Variants in BTBD9 observed in about 807,000 individuals in gnomAD.
The protein encoded by BTBD9 is BTB domain containing 9.
Under a neutral mutation model 64.3 loss-of-function variants are expected in BTBD9, and 49 were observed. The ratio of observed to expected loss-of-function variants is 0.76; its 90% CI spans 0.61 to 0.97. The LOEUF (loss-of-function observed/expected upper bound fraction) is 0.97. BTBD9 is among the 50% of genes least tolerant of loss of function. BTBD9 has a pLI of 0.00. For missense variants in BTBD9, 598 were observed against 762.1 expected (o/e 0.78, Z 2.53); for synonymous variants, 260 against 274.7 (o/e 0.95, Z 0.53).
At chr6:38,450,015 A>C (rs961756907) in intron 6 of BTBD9, among the ~76,000 whole-genome samples, 2 of 152,226 alleles carry the variant, frequency 1.3e-5, no homozygotes, top group African/African-American at 2.4e-5. Context: ...TATGGAATCA[A>C]CCTAAGTGTC....
At chr6:38,222,584 G>A (rs1368228829) in intron 9 of BTBD9, among the ~76,000 whole-genome samples, 3 of 152,050 alleles carry the variant, frequency 2.0e-5, no homozygotes, top group East Asian at 3.9e-4. Context: ...GACAACATGA[G>A]ATATATTATA....
At chr6:38,316,826 T>C (rs1405109342) in intron 7 of BTBD9, among the ~76,000 whole-genome samples, 1 of 152,188 alleles carries the variant, frequency 6.6e-6, no homozygotes, top group East Asian at 1.9e-4. Context: ...ATTAACAACC[T>C]TTCCTTTCGG....
At chr6:38,347,670 AAC>A (rs1764336554) in intron 6 of BTBD9, among the ~76,000 whole-genome samples, 1 of 152,210 alleles carries the variant, frequency 6.6e-6, no homozygotes, top group Admixed American at 6.5e-5. Context: ...TTAATGGCCC[AAC>A]ATCAATGACT....
intron 6 of BTBD9, among the ~76,000 whole-genome samples, chr6:38,400,362 T>A (rs1341954053): frequency 6.6e-6 from 1 of 152,206 alleles, no homozygotes; most frequent in African/African-American, 2.4e-5. Context: ...CACTTTCTCA[T>A]AGGCTTAGTG....
intron 7 of BTBD9, among the ~76,000 whole-genome samples, chr6:38,312,984 A>G (rs532872003): frequency 6.6e-6 from 1 of 152,282 alleles, no homozygotes; most frequent in South Asian, 2.1e-4. Flanking sequence ...GAATGTGTAG[A>G]CTGCTTTGGA....
intron 6 of BTBD9, among the ~76,000 whole-genome samples, chr6:38,562,920 C>T (rs548115258): frequency 6.6e-6 from 1 of 152,282 alleles, no homozygotes; most frequent in East Asian, 1.9e-4. Flanking sequence ...AATCTGACTT[C>T]CACCACTACT....
chr6:38,407,382 G>A (rs1347217002), intron 6 of BTBD9, among the ~76,000 whole-genome samples: 1 of 152,002 alleles, frequency 6.6e-6, no homozygotes. Flanking sequence ...TTTCAGTAGG[G>A]AATCACTTTT....
chr6:38,531,823 G>T (rs1773813297), intron 6 of BTBD9, among the ~76,000 whole-genome samples: 1 of 152,156 alleles, frequency 6.6e-6, no homozygotes, highest in African/African-American at 2.4e-5. Flanking sequence ...CAAGCCTCAT[G>T]ATAACCTCAA....
chr6:38,484,425 A>T (rs1771306190), intron 6 of BTBD9, among the ~76,000 whole-genome samples: 2 of 152,236 alleles, frequency 1.3e-5, no homozygotes, highest in African/African-American at 4.8e-5. Flanking sequence ...TGAGATTATA[A>T]TCAGTTCCTG....
At chr6:38,323,739 G>T (rs2127577367) in intron 7 of BTBD9, among the ~76,000 whole-genome samples, 2 of 152,202 alleles carry the variant, frequency 1.3e-5, no homozygotes, top group Admixed American at 1.3e-4. Flanking sequence ...TCACACAACT[G>T]GTGAAGGCCT....
intron 6 of BTBD9, among the ~76,000 whole-genome samples, chr6:38,395,256 C>T (rs1050596768): frequency 3.3e-5 from 5 of 152,004 alleles, no homozygotes; most frequent in African/African-American, 9.7e-5. Context: ...CATAGTGGGA[C>T]CCTGCCTCTA....
Position 38,168,457 on chromosome 6 carries a change from A to G in BTBD9, c.*6528T>C, listed in dbSNP as rs1439590070. 6.6e-6 allele frequency: 1 copy of G among 152,260 alleles called. No homozygotes were observed. The highest frequency in any genetic ancestry group is 1.9e-4 in the East Asian group (1 of 5,192). The allele number at this position is 152,260 out of a possible 1,614,324, so 9.4% of individuals were successfully genotyped here. ...CAGAGAGTGACGACTCGAATACAGC[A>G]CAAGTCACCACTTTATTTCTAAGAG... On this transcript the variant is annotated 3_prime_UTR_variant, in exon 11 of 11. Transcript: ENST00000481247.
chr6:38,453,813 T>C (rs1441095638), intron 6 of BTBD9, among the ~76,000 whole-genome samples: 2 of 152,170 alleles, frequency 1.3e-5, no homozygotes, highest in Non-Finnish European at 2.9e-5. Flanking sequence ...AACCGCTATA[T>C]AAATAAATCA....
chr6:38,301,542 G>A lies in BTBD9; in HGVS notation c.1265-13081C>T, dbSNP rs978822585. Among the ~76,000 whole-genome samples the A allele has an allele frequency of 5.3e-5, 8 of 152,276 alleles. No homozygotes were observed. The East Asian group carries it at 1.5e-3, about 29-fold the overall frequency. ...AATTATTGCCTCAATTTCAGAGCCT[G>A]TTATTGGTCTATTCAGAGATTCAAC... On this transcript the variant is annotated intron_variant, in intron 7 of 10. Transcript: ENST00000481247.
chr6:38,575,663 C>T (rs1413322705), intron 6 of BTBD9, among the ~76,000 whole-genome samples: 1 of 152,032 alleles, frequency 6.6e-6, no homozygotes, highest in African/African-American at 2.4e-5. Flanking sequence ...GTAAAAAAGA[C>T]AGTTTACTAA....
At chr6:38,498,595 C>A (rs754599096) in intron 6 of BTBD9, among the ~76,000 whole-genome samples, 26 of 152,188 alleles carry the variant, frequency 1.7e-4, no homozygotes, top group Non-Finnish European at 3.1e-4. Flanking sequence ...AGTCACAAAG[C>A]CCAAATCCAA....
At chr6:38,253,559 G>A (rs1282197250) in intron 9 of BTBD9, among the ~76,000 whole-genome samples, 1 of 152,168 alleles carries the variant, frequency 6.6e-6, no homozygotes, top group African/African-American at 2.4e-5. Context: ...CTTTAACAGA[G>A]GGACATAAAA....
chr6:38,416,047 T>G, intron 6 of BTBD9, among the ~76,000 whole-genome samples: 1 of 152,068 alleles, frequency 6.6e-6, no homozygotes, highest in East Asian at 1.9e-4. Context: ...GCTAGAAATG[T>G]AAAGAAAGAG....
At position 38,516,881 on chromosome 6, in the gene BTBD9, G is replaced by A. The variant is rs550409506; in HGVS notation, c.1154+60719C>T. Among the ~76,000 whole-genome samples the A allele has an allele frequency of 5.7e-4, 87 of 152,284 alleles. 1 individual carries two copies. The highest frequency in any genetic ancestry group is 2.0e-3 in the African/African-American group (83 of 41,568). ...ATTATTTCCTTCATTCCATCAGATT[G>A]TGCCTCTTCTGCCACCAACTCAACA... On this transcript the variant is annotated intron_variant, in intron 6 of 10. Coordinates refer to ENST00000481247, the MANE Select transcript of BTBD9 (RefSeq NM_001099272.2).
Sources: allele counts gnomAD v4.1 joint callset (sites outside exome capture counted in the v4.1 genomes callset), GRCh38; gene constraint gnomAD v4.1.1; transcripts MANE v1.5; gene names NCBI Gene and HGNC (gene_info 2026-07-23, HGNC 2026-07-21).